DLL3: variants seen among roughly 807,000 people sequenced by gnomAD.
DLL3 encodes delta like canonical Notch ligand 3.
A neutral mutation model predicts 55.0 loss-of-function variants in DLL3; 49 were observed. That is an observed-to-expected ratio of 0.89 (90% CI 0.71 to 1.13). DLL3 has a LOEUF of 1.13. DLL3 is among the 50% of genes most tolerant of loss of function. DLL3 has a pLI of 0.00. For synonymous variants in DLL3, 421 were observed against 385.2 expected, an observed-to-expected ratio of 1.09 and a Z score of -1.09; for missense variants, 962 against 875.5, an observed-to-expected ratio of 1.10 and a Z score of -1.25.
At position 39,498,991 on chromosome 19, in the gene DLL3, T is replaced by A; in HGVS notation, c.17T>A (p.Met6Lys). The A allele has an allele frequency of 1.2e-6, 2 of 1,613,646 alleles. No individual in the cohort carries two copies. Among genetic ancestry groups the A allele is most frequent in the Non-Finnish European group, 1.7e-6 (2 of 1,179,954 alleles). Residue 6 changes from methionine to lysine, a missense_variant, in exon 1 of 9, where the codon ATG (methionine) becomes AAG (lysine). By Grantham distance (95) the Met-to-Lys change is moderately conservative. Coordinates refer to ENST00000356433, the MANE Select transcript of DLL3 (RefSeq NM_203486.3). MVSPR[M>K]SGLLSQTVIL... ...CAGAAGGCCATGGTCTCCCCACGGA[T>A]GTCCGGGCTCCTCTCCCAGACTGTG...
chr19:39,499,493 GA>G lies in DLL3; in HGVS notation c.351+21del. 6.3e-7 allele frequency: 1 copy of G among 1,577,850 alleles called. No homozygotes were observed. The highest frequency in any genetic ancestry group is 8.5e-7 in the Non-Finnish European group (1 of 1,169,622). The stretch of plus-strand genomic sequence containing the variant: ...TGGCCTGTAAGTGCTGCCCCCGGGG[GA>G]CTCCCGGTGCTGGAGGCCTAACCCT... On this transcript the variant is annotated intron_variant, in intron 2 of 8. Transcript: ENST00000356433.
In DLL3 at chr19:39,508,366, T is replaced by G; in HGVS notation, c.*109T>G. ...TGGAGTTCAATCTTGAAGGGGTGTC[T>G]GGGGGAACTTTACTGTTGCAAGTTG... On this transcript the variant is annotated 3_prime_UTR_variant, in exon 9 of 9. Coordinates refer to ENST00000356433, the MANE Select transcript of DLL3 (RefSeq NM_203486.3). 4 of 1,275,314 alleles carry G rather than the reference T, an allele frequency of 3.1e-6. No homozygotes were observed. The highest frequency in any genetic ancestry group is 4.6e-6 in the Non-Finnish European group (4 of 877,058). 79.0% of individuals were successfully genotyped at this position (1,275,314 alleles called of 1,614,324 possible). A position where few individuals can be genotyped will look rare whatever the true frequency, so the allele number is the denominator to read the frequency against.
chr19:39,501,272 A>G (rs987406209), intron 3 of DLL3, among the ~76,000 whole-genome samples: 9 of 151,720 alleles, frequency 5.9e-5, no homozygotes, highest in Non-Finnish European at 1.2e-4. Context: ...GAGTGTTGAG[A>G]TTACAGGCAT....
At position 39,504,101 on chromosome 19, in the gene DLL3, A is replaced by C; in HGVS notation, c.683A>C (p.His228Pro). The stretch of plus-strand genomic sequence containing the variant: ...TGCCGAGCAGGCTGCAGCCCTGAGC[A>C]TGGCTTCTGTGAACAGCCCGGTGAA... ...LVCRAGCSPE[H>P]GFCEQPGECR... Residue 228 changes from histidine (H) to proline (P), a missense_variant, in exon 5 of 9, where the codon CAT becomes CCT. His to Pro is a moderately conservative substitution (Grantham distance 77, BLOSUM62 -2). Coordinates refer to ENST00000356433, the MANE Select transcript of DLL3 (RefSeq NM_203486.3). The C allele has an allele frequency of 6.2e-7, 1 of 1,613,340 alleles. No homozygotes were observed. Among genetic ancestry groups the C allele is most frequent in the Non-Finnish European group, 8.5e-7 (1 of 1,180,022 alleles).
intron 6 of DLL3, 123 bp downstream of exon 6, chr19:39,505,574 C>T: frequency 6.2e-6 from 6 of 965,450 alleles, no homozygotes; most frequent in Non-Finnish European, 9.3e-6. Context: ...TGACCTTCCA[C>T]CTGCAAGCCT....
rs760865925 is a variant in DLL3, at chr19:39,504,025, C to T, written c.653-46C>T. ...GCTTTCCATCTTGTCCCTGGCCCTC[C>T]CCGACGTTGGTGTTCCCTTTCTCTC... On this transcript the variant is annotated intron_variant, in intron 4 of 8. Coordinates refer to ENST00000356433, the MANE Select transcript of DLL3 (RefSeq NM_203486.3). 4.0e-5 allele frequency: 64 copies of T among 1,594,120 alleles called. 3 individuals are homozygous for T. In the South Asian group the frequency reaches 5.4e-4, roughly 13 times the overall value.
chr19:39,505,472 C>G, intron 6 of DLL3, 21 bp downstream of exon 6: 2 of 1,612,736 alleles, frequency 1.2e-6, no homozygotes, highest in Non-Finnish European at 1.7e-6. Flanking sequence ...GAGGCCTGAA[C>G]GGCGAGGGAT....
At chr19:39,505,667 G>A (rs931908127) in intron 6 of DLL3, 19 of 578,724 alleles carry the variant, frequency 3.3e-5, no homozygotes, top group African/African-American at 5.6e-5. Context: ...CCTATTCTAG[G>A]CACTGAGGAT....
chr19:39,500,587 T>C (rs1401892976), intron 2 of DLL3, 28 bp from the exon 3 acceptor site: 1 of 1,605,452 alleles, frequency 6.2e-7, no homozygotes, highest in African/African-American at 1.3e-5. Flanking sequence ...CTTTCATCTT[T>C]CATCTCCCCC....
Position 39,502,943 on chromosome 19 carries a change from C to G in DLL3, c.538C>G (p.Pro180Ala), listed in dbSNP as rs1045157695. 4.9e-6 allele frequency: 7 copies of G among 1,442,168 alleles called. No homozygotes were observed. The African/African-American group carries it at 7.4e-5, about 15-fold the overall frequency. The allele number at this position is 1,442,168 out of a possible 1,614,324, so 89.3% of individuals were successfully genotyped here. Residue 180 changes from proline to alanine, a missense_variant, in exon 4 of 9, where the codon CCG (proline) becomes GCG (alanine). Coordinates refer to ENST00000356433, the MANE Select transcript of DLL3 (RefSeq NM_203486.3). Reference sequence around the variant, plus strand: ...CTTCTCGTACCGCGCGCGCTGCGAGCCGCCTGCCGTCGGGACCGCGTGCAC... The same window carrying G: ...CTTCTCGTACCGCGCGCGCTGCGAGGCGCCTGCCGTCGGGACCGCGTGCAC... The part of the protein sequence containing the change: ...LRFSYRARCE[P>A]PAVGTACTRL...
intron 2 of DLL3, 95 bp from the exon 3 acceptor site, chr19:39,500,520 C>A (rs11574520): frequency 9.2e-7 from 1 of 1,091,562 alleles, no homozygotes; most frequent in South Asian, 1.2e-5. Flanking sequence ...CCAGCAATGG[C>A]CATCACCCTC....
intron 2 of DLL3, 53 bp downstream of exon 2, chr19:39,499,526 GA>G: frequency 6.4e-7 from 1 of 1,551,012 alleles, no homozygotes; most frequent in South Asian, 1.2e-5. Flanking sequence ...CCCTGCCAGC[GA>G]AACCTCCACC....
chr19:39,504,053 C>T lies in DLL3; in HGVS notation c.653-18C>T, dbSNP rs148157639. 38 of 1,612,472 alleles carry T rather than the reference C, an allele frequency of 2.4e-5. No individual in the cohort carries two copies. The Middle Eastern group carries it at 6.6e-4, about 28-fold the overall frequency. On this transcript the variant is annotated intron_variant, in intron 4 of 8. Transcript: ENST00000356433. ...GACGTTGGTGTTCCCTTTCTCTCTG[C>T]CTCTCTGTCCCCCATAGTGGTGTGC...
chr19:39,506,838 A>G (rs571223608), intron 6 of DLL3, among the ~76,000 whole-genome samples: 6 of 152,308 alleles, frequency 3.9e-5, no homozygotes, highest in South Asian at 4.1e-4. Flanking sequence ...CCGAGAGCCA[A>G]AGAGGTGGAG....
At chr19:39,506,633 G>A (rs922879816) in intron 6 of DLL3, among the ~76,000 whole-genome samples, 1 of 152,028 alleles carries the variant, frequency 6.6e-6, no homozygotes, top group African/African-American at 2.4e-5. Flanking sequence ...CTGGGATGGA[G>A]GAAGGAGCAT....
chr19:39,500,304 G>A (rs1045335487), intron 2 of DLL3, among the ~76,000 whole-genome samples: 10 of 151,316 alleles, frequency 6.6e-5, no homozygotes, highest in South Asian at 2.1e-4. Flanking sequence ...TGACATGCGC[G>A]TGTAGTCCCA....
rs199831437 is a variant in DLL3, at chr19:39,507,252, G to A, written c.1307G>A (p.Arg436His). The stretch of plus-strand genomic sequence containing the variant: ...GAGCGCGCGGACCCGTGCGCCGCGC[G>A]CCCCTGTGCTCACGGCGGCCGCTGC... ...CRERADPCAARPCAHGGRCYA... is the reference protein window; with the variant it reads ...CRERADPCAAHPCAHGGRCYA... Residue 436 changes from arginine (R) to histidine (H), a missense_variant, in exon 7 of 9, where the codon CGC (arginine) becomes CAC (histidine). Coordinates refer to ENST00000356433, the MANE Select transcript of DLL3 (RefSeq NM_203486.3). The A allele has an allele frequency of 6.3e-4, 944 of 1,508,872 alleles. 2 individuals are homozygous for A. In the African/African-American group the frequency reaches 0.01, roughly 16 times the overall value. 93.5% of individuals were successfully genotyped at this position (1,508,872 alleles called of 1,614,324 possible). A position where few individuals can be genotyped will look rare whatever the true frequency, so the allele number is the denominator to read the frequency against.
chr19:39,501,741 G>A (rs1232473740), intron 3 of DLL3, among the ~76,000 whole-genome samples: 1 of 152,028 alleles, frequency 6.6e-6, no homozygotes. Context: ...TAGTAACTGG[G>A]GTCTCTGTGA....
At chr19:39,506,368 A>G (rs76807853) in intron 6 of DLL3, among the ~76,000 whole-genome samples, 2,295 of 125,830 alleles carry the variant, frequency 0.018, 48 homozygotes, top group African/African-American at 0.081. Flanking sequence ...CTCCGTTTCG[A>G]AAAAAAAAAA....
Sources: allele counts gnomAD v4.1 joint callset (sites outside exome capture counted in the v4.1 genomes callset), GRCh38; gene constraint gnomAD v4.1.1; transcripts MANE v1.5; gene names NCBI Gene and HGNC (gene_info 2026-07-23, HGNC 2026-07-21).